Variants in TPTE observed in about 807,000 individuals in gnomAD.
The protein encoded by TPTE is putative tyrosine-protein phosphatase TPTE.
In TPTE, 59 loss-of-function variants were observed where a neutral mutation model predicts 84.1. The observed-to-expected ratio is 0.70, with a 90% confidence interval of 0.57 to 0.87. The LOEUF (loss-of-function observed/expected upper bound fraction) is 0.87. Ranked by LOEUF, TPTE falls within the 40% of genes least tolerant of loss-of-function variation. The pLI is 0.00. For missense variants in TPTE, 382 were observed against 659.6 expected (o/e 0.58, Z 4.61); for synonymous variants, 130 against 223.5 (o/e 0.58, Z 3.73).
intron 20 of TPTE, among the ~76,000 whole-genome samples, chr21:10,597,140 G>A (rs1483171877): frequency 1.3e-5 from 2 of 152,306 alleles, no homozygotes; most frequent in East Asian, 1.9e-4. Flanking sequence ...TTGAGGAAAT[G>A]CTAAGGGAAG....
intron 14 of TPTE, among the ~76,000 whole-genome samples, chr21:10,571,205 A>G (rs1951101179): frequency 6.6e-6 from 1 of 152,312 alleles, no homozygotes; most frequent in African/African-American, 2.4e-5. Flanking sequence ...CTGTCTCCAC[A>G]AACACTCACC....
intron 10 of TPTE, among the ~76,000 whole-genome samples, chr21:10,564,187 T>C (rs2074867285): frequency 6.6e-6 from 1 of 152,294 alleles, no homozygotes; most frequent in African/African-American, 2.4e-5. Flanking sequence ...CATTGCTCTG[T>C]TGCCTACAGG....
chr21:10,566,402 T>C (rs2074922182), intron 10 of TPTE, among the ~76,000 whole-genome samples: 1 of 152,310 alleles, frequency 6.6e-6, no homozygotes, highest in African/African-American at 2.4e-5. Context: ...TCATACACTG[T>C]TCATGGAAAT....
At chr21:10,535,749 TG>T (rs1232069744) in intron 3 of TPTE, among the ~76,000 whole-genome samples, 2 of 152,310 alleles carry the variant, frequency 1.3e-5, no homozygotes, top group Non-Finnish European at 2.9e-5. Flanking sequence ...GAAACCGTAA[TG>T]GGTTCCTCAC....
chr21:10,576,351 C>T (rs528579327), intron 14 of TPTE: 61 of 246,254 alleles, frequency 2.5e-4, no homozygotes, highest in Admixed American at 9.3e-4. Context: ...TGCCACACCG[C>T]GGAAAAGGGA....
At chr21:10,596,455 C>T (rs1250800955) in intron 20 of TPTE, among the ~76,000 whole-genome samples, 1 of 152,308 alleles carries the variant, frequency 6.6e-6, no homozygotes, top group Non-Finnish European at 1.5e-5. Context: ...CTCAGAACCA[C>T]CTCTAGTTCA....
intron 10 of TPTE, 121 bp downstream of exon 10, chr21:10,561,312 T>G: frequency 2.3e-6 from 3 of 1,326,600 alleles, no homozygotes; most frequent in Non-Finnish European, 3.1e-6. Context: ...GCCAACATGG[T>G]GAAACCCCGT....
intron 3 of TPTE, among the ~76,000 whole-genome samples, chr21:10,529,312 A>G (rs2074136306): frequency 6.6e-6 from 1 of 152,308 alleles, no homozygotes; most frequent in Admixed American, 6.5e-5. Context: ...AAAAATGTTT[A>G]AAAGTGGGAT....
intron 7 of TPTE, among the ~76,000 whole-genome samples, chr21:10,549,371 T>C (rs212118): frequency 0.22 from 31,763 of 144,842 alleles, 64 homozygotes; most frequent in African/African-American, 0.47. Context: ...TAATAGAACC[T>C]AATCATAAAC....
chr21:10,590,478 G>A lies in TPTE; in HGVS notation c.1044G>A (p.Met348Ile), dbSNP rs770958415. Residue 348 changes from methionine (M) to isoleucine (I), a missense_variant, in exon 18 of 24, where the codon ATG (methionine) becomes ATA (isoleucine). By Grantham distance (10) the Met-to-Ile change is conservative (BLOSUM62 1). Around this residue, in one of 10 missense-constraint regions of TPTE, gnomAD observed 37 missense variants for 28.3 expected, o/e 1.31. Transcript: ENST00000618007. ...CTTTTCTAGATAGAACAGGAACTAT[G>A]GTTTGTGCCTTCCTTATTGCCTCTG... The part of the protein sequence containing the change: ...CKGGTDRTGT[M>I]VCAFLIASEI... 1.2e-6 allele frequency: 2 copies of A among 1,614,106 alleles called. No individual in the cohort carries two copies. The highest frequency in any genetic ancestry group is 8.5e-7 in the Non-Finnish European group (1 of 1,179,932).
intron 17 of TPTE, among the ~76,000 whole-genome samples, chr21:10,584,218 T>C (rs1282872295): frequency 6.6e-6 from 1 of 152,306 alleles, no homozygotes; most frequent in Admixed American, 6.5e-5. Context: ...TCTTAGATTT[T>C]TTTTGTGGTT....
chr21:10,545,182 T>C (rs552179877), intron 7 of TPTE, among the ~76,000 whole-genome samples: 39 of 152,388 alleles, frequency 2.6e-4, no homozygotes, highest in African/African-American at 9.1e-4. Context: ...TCATCAATGA[T>C]GGGTGAAATT....
chr21:10,522,521 G>T (rs114096029), intron 1 of TPTE, among the ~76,000 whole-genome samples: 1 of 152,302 alleles, frequency 6.6e-6, no homozygotes, highest in African/African-American at 2.4e-5. Context: ...AGTTGGAAAC[G>T]GTCAAAACAA....
In TPTE at chr21:10,543,122, C is replaced by T. The variant is rs532842832; in HGVS notation, c.120-207C>T. Among the ~76,000 whole-genome samples, 189 of 137,584 alleles carry T rather than the reference C, an allele frequency of 1.4e-3. 12 individuals are homozygous for T. The South Asian group carries it at 0.04, about 29-fold the overall frequency. The allele number at this position is 137,584 out of a possible 152,430, so 90.3% of individuals were successfully genotyped here. On this transcript the variant is annotated intron_variant, in intron 6 of 23. Coordinates refer to ENST00000618007, the MANE Select transcript of TPTE (RefSeq NM_199261.4). ...TCGGCTCACTGCAAGCTCTGCTTCC[C>T]GGGTTCACGCCATTCTCCTGCCTCA...
chr21:10,529,478 C>T (rs2074139317), intron 3 of TPTE, among the ~76,000 whole-genome samples: 1 of 152,306 alleles, frequency 6.6e-6, no homozygotes, highest in Non-Finnish European at 1.5e-5. Context: ...TCTGTTCACT[C>T]TAAAATCTCA....
At chr21:10,592,803 C>CT (rs1157575635) in intron 19 of TPTE, among the ~76,000 whole-genome samples, 17 of 101,142 alleles carry the variant, frequency 1.7e-4, no homozygotes, top group African/African-American at 4.0e-4. Context: ...TGGATGACTC[C>CT]TGGTGTGTGT....
At chr21:10,584,268 GT>G (rs1267833726) in intron 17 of TPTE, among the ~76,000 whole-genome samples, 6 of 152,106 alleles carry the variant, frequency 3.9e-5, no homozygotes, top group African/African-American at 1.4e-4. Context: ...TTTTCTAAAT[GT>G]TTTTTGTTGT....
chr21:10,562,818 G>A (rs1356967262), intron 10 of TPTE, among the ~76,000 whole-genome samples: 1 of 152,302 alleles, frequency 6.6e-6, no homozygotes, highest in Admixed American at 6.5e-5. Context: ...TTAAAGAGGA[G>A]GTGGGGAGTG....
chr21:10,546,705 C>T (rs895159991), intron 7 of TPTE, among the ~76,000 whole-genome samples: 6 of 152,310 alleles, frequency 3.9e-5, no homozygotes, highest in South Asian at 4.1e-4. Flanking sequence ...AGGATCAAAC[C>T]GGCCACAGCA....
Sources: allele counts gnomAD v4.1 joint callset (sites outside exome capture counted in the v4.1 genomes callset), GRCh38; gene constraint gnomAD v4.1.1; regional missense constraint gnomAD v4.1.1; transcripts MANE v1.5; gene names NCBI Gene and HGNC (gene_info 2026-07-23, HGNC 2026-07-21).